ARID1B: variants seen among roughly 807,000 people sequenced by gnomAD.
The protein encoded by ARID1B is AT-rich interactive domain-containing protein 1B.
Under a neutral mutation model 212.3 loss-of-function variants are expected in ARID1B, and 30 were observed. The observed-to-expected ratio is 0.14, with a 90% CI of 0.11 to 0.19. The LOEUF is 0.19. ARID1B is among the 10% of genes least tolerant of loss of function. The probability of loss-of-function intolerance (pLI) is 1.00; values close to 1 mark genes in which losing one functional copy is unlikely to be tolerated. For synonymous variants in ARID1B, 1,402 were observed against 1,301.7 expected (o/e 1.08, Z -1.66); for missense variants, 2,891 against 3,204.0 (o/e 0.90, Z 2.36).
In ARID1B at chr6:157,190,477, C is replaced by T. The variant is rs1208629444; in HGVS notation, c.4231+267C>T. 6.6e-6 allele frequency among the ~76,000 whole-genome samples: 1 copy of T among 152,250 alleles called. No individual in the cohort carries two copies. Among genetic ancestry groups the T allele is most frequent in the Non-Finnish European group, 1.5e-5 (1 of 68,050 alleles). On this transcript the variant is annotated intron_variant, in intron 15 of 19. Coordinates refer to ENST00000636930, the MANE Select transcript of ARID1B (RefSeq NM_001374828.1). This position sits in a 1 kb window ranked among gnomAD's most constrained non-coding sequence, Gnocchi z 4.6. ...TCCGGATACCTGCCACCTCCTTACACGTGCCAAGTTACGTTCCTCATCTAG... is the reference window on the plus strand; with the variant it reads ...TCCGGATACCTGCCACCTCCTTACATGTGCCAAGTTACGTTCCTCATCTAG...
intron 2 of ARID1B, chr6:156,829,626 C>T (rs1783004946): frequency 1.8e-6 from 1 of 561,378 alleles, no homozygotes; most frequent in Non-Finnish European, 3.0e-6. Flanking sequence ...GACAGAATAC[C>T]TGTTTGGTAG....
intron 5 of ARID1B, among the ~76,000 whole-genome samples, chr6:157,107,231 C>A (rs1786556544): frequency 6.6e-6 from 1 of 152,106 alleles, no homozygotes; most frequent in South Asian, 2.1e-4. Flanking sequence ...TACCTACCAG[C>A]TGGAGGAGGC....
intron 1 of ARID1B, among the ~76,000 whole-genome samples, chr6:156,786,534 G>T (rs1329588478): frequency 6.6e-6 from 1 of 152,126 alleles, no homozygotes; most frequent in Non-Finnish European, 1.5e-5. Flanking sequence ...GATGCTGATA[G>T]GTAGTCACAT....
chr6:156,888,206 T>C (rs1787666119), intron 2 of ARID1B, among the ~76,000 whole-genome samples: 1 of 152,240 alleles, frequency 6.6e-6, no homozygotes, highest in South Asian at 2.1e-4. Flanking sequence ...TCTTGGCTCC[T>C]CTTTTTGTGC....
chr6:156,941,641 A>G (rs1373905426), intron 4 of ARID1B: 2 of 152,210 alleles, frequency 1.3e-5, no homozygotes, highest in Admixed American at 6.5e-5. Flanking sequence ...CATGATATTG[A>G]TAGTCATTTT....
intron 2 of ARID1B, among the ~76,000 whole-genome samples, chr6:156,832,168 G>T (rs1032235935): frequency 2.0e-4 from 30 of 152,164 alleles, no homozygotes; most frequent in African/African-American, 6.5e-4. Flanking sequence ...TAGAGCAAAG[G>T]TTATTAGAGC....
intron 2 of ARID1B, among the ~76,000 whole-genome samples, chr6:156,833,499 T>C (rs1783285604): frequency 6.6e-6 from 1 of 152,166 alleles, no homozygotes; most frequent in Non-Finnish European, 1.5e-5. Flanking sequence ...TTGCAGGTGT[T>C]TGATAATATG....
intron 8 of ARID1B, among the ~76,000 whole-genome samples, chr6:157,163,256 G>A (rs1022798951): frequency 2.0e-5 from 3 of 152,066 alleles, no homozygotes; most frequent in Non-Finnish European, 2.9e-5. Context: ...CTGTGGTCTC[G>A]GGCATTGTAT....
intron 2 of ARID1B, among the ~76,000 whole-genome samples, chr6:156,879,052 C>G (rs577526162): frequency 1.7e-4 from 26 of 152,342 alleles, no homozygotes; most frequent in African/African-American, 6.0e-4. Context: ...CAGCTTCTGA[C>G]TCCAGTGCCC....
chr6:157,161,916 C>T (rs1790971150), intron 8 of ARID1B, among the ~76,000 whole-genome samples: 1 of 152,152 alleles, frequency 6.6e-6, no homozygotes, highest in African/African-American at 2.4e-5. Flanking sequence ...ACTCATTTTC[C>T]CAATAAAGTG....
intron 5 of ARID1B, among the ~76,000 whole-genome samples, chr6:157,105,704 C>A (rs1464134795): frequency 6.6e-6 from 1 of 152,064 alleles, no homozygotes; most frequent in Non-Finnish European, 1.5e-5. Flanking sequence ...CGGGTTCAAG[C>A]GATTCTCCTG....
At chr6:156,973,294 A>C (rs1406127703) in intron 4 of ARID1B, among the ~76,000 whole-genome samples, 4 of 152,282 alleles carry the variant, frequency 2.6e-5, no homozygotes, top group African/African-American at 9.6e-5. Context: ...ATTTTTTGGT[A>C]ACAGCGAGTT....
At chr6:156,887,958 C>T (rs1043120076) in intron 2 of ARID1B, among the ~76,000 whole-genome samples, 2 of 152,178 alleles carry the variant, frequency 1.3e-5, no homozygotes, top group Admixed American at 6.5e-5. Flanking sequence ...TTTTTGTTGA[C>T]TCTTTTAAAA....
intron 2 of ARID1B, among the ~76,000 whole-genome samples, chr6:156,843,316 A>G (rs1463208623): frequency 1.3e-5 from 2 of 152,230 alleles, no homozygotes; most frequent in Non-Finnish European, 2.9e-5. Flanking sequence ...TTTAAATTAA[A>G]AAGTGTTTCA....
intron 3 of ARID1B, among the ~76,000 whole-genome samples, chr6:156,930,860 G>A (rs375197430): frequency 1.9e-4 from 29 of 152,134 alleles, no homozygotes; most frequent in African/African-American, 6.8e-4. Flanking sequence ...TTTAAACTTG[G>A]TAACACATTG....
At chr6:156,992,737 C>T (rs1778344063) in intron 4 of ARID1B, among the ~76,000 whole-genome samples, 1 of 152,102 alleles carries the variant, frequency 6.6e-6, no homozygotes, top group African/African-American at 2.4e-5. Context: ...GGAAGACTGC[C>T]CTGGCTATGG....
At chr6:156,951,570 A>C (rs181396537) in intron 4 of ARID1B, among the ~76,000 whole-genome samples, 3 of 151,952 alleles carry the variant, frequency 2.0e-5, no homozygotes, top group Admixed American at 2.0e-4. Flanking sequence ...CAGCCTCCTG[A>C]GTAGCTGGGA....
chr6:157,190,803 G>A lies in ARID1B; in HGVS notation c.4231+593G>A, dbSNP rs1043830497. 6.6e-6 allele frequency among the ~76,000 whole-genome samples: 1 copy of A among 152,202 alleles called. No individual in the cohort carries two copies. Among genetic ancestry groups the A allele is most frequent in the South Asian group, 2.1e-4 (1 of 4,832 alleles). ...GTTGGTGGAAGACAGGAAAGTGAAA[G>A]GAAGAAAGGATACAGATAGCAGTGG... On this transcript the variant is annotated intron_variant, in intron 15 of 19. Transcript: ENST00000636930. The surrounding 1 kb of genome is among the most constrained non-coding windows in gnomAD (Gnocchi z 4.6).
At chr6:156,954,504 T>G (rs948474914) in intron 4 of ARID1B, among the ~76,000 whole-genome samples, 1 of 152,228 alleles carries the variant, frequency 6.6e-6, no homozygotes, top group Non-Finnish European at 1.5e-5. Context: ...ATAGTTTGTA[T>G]GGTATATACA....
Sources: allele counts gnomAD v4.1 joint callset (sites outside exome capture counted in the v4.1 genomes callset), GRCh38; gene constraint gnomAD v4.1.1; non-coding constraint Gnocchi (gnomAD v3.1); transcripts MANE v1.5; gene names NCBI Gene and HGNC (gene_info 2026-07-23, HGNC 2026-07-21).